The following CRTAC1 variants were observed in gnomAD, a reference collection of about 807,000 sequenced individuals.
CRTAC1 encodes the protein cartilage acidic protein 1.
Under a neutral mutation model 67.8 loss-of-function variants are expected in CRTAC1, and 37 were observed. The observed-to-expected ratio is 0.55, with a 90% CI of 0.42 to 0.72. CRTAC1 has a LOEUF of 0.72. Ranked by LOEUF, CRTAC1 falls within the 30% of genes least tolerant of loss-of-function variation. CRTAC1 has a pLI of 0.00. For missense variants in CRTAC1, 780 were observed against 931.6 expected (o/e 0.84, Z 2.12); for synonymous variants, 348 against 371.0 (o/e 0.94, Z 0.71).
chr10:97,938,220 T>G (rs997246665), intron 2 of CRTAC1, among the ~76,000 whole-genome samples: 2 of 152,130 alleles, frequency 1.3e-5, no homozygotes, highest in African/African-American at 4.8e-5. Flanking sequence ...GAGACGTGTC[T>G]AGGCAGGAGA....
intron 2 of CRTAC1, among the ~76,000 whole-genome samples, chr10:97,937,045 T>C: frequency 6.6e-6 from 1 of 152,184 alleles, no homozygotes; most frequent in East Asian, 1.9e-4. Context: ...AGTTTGCATC[T>C]CAGATGGGAG....
In CRTAC1 at chr10:97,979,743, C is replaced by T. The variant is rs116656624; in HGVS notation, c.224+31395G>A. Among the ~76,000 whole-genome samples, 1,162 of 152,274 alleles carry T rather than the reference C, an allele frequency of 7.6e-3. 19 individuals carry two copies. The highest frequency in any genetic ancestry group is 0.025 in the African/African-American group (1,051 of 41,554). On this transcript the variant is annotated intron_variant, in intron 2 of 14. Coordinates refer to ENST00000370597, the MANE Select transcript of CRTAC1 (RefSeq NM_018058.7). Reference sequence around the variant, plus strand: ...CTGAACCTTGGGTCCCACCCCAGTCCGATTAAATCCAAATGTCTCTGGGGT... The same window carrying T: ...CTGAACCTTGGGTCCCACCCCAGTCTGATTAAATCCAAATGTCTCTGGGGT...
chr10:97,868,889 C>A (rs1342808316), intron 14 of CRTAC1: 1 of 151,578 alleles, frequency 6.6e-6, no homozygotes, highest in African/African-American at 2.4e-5. Flanking sequence ...TTTAGCACTT[C>A]CTATGTGCCA....
intron 1 of CRTAC1, among the ~76,000 whole-genome samples, chr10:98,015,340 C>A (rs1461547101): frequency 6.6e-6 from 1 of 151,908 alleles, no homozygotes; most frequent in Non-Finnish European, 1.5e-5. Context: ...TTGCCAGGGG[C>A]TGGGTATAGG....
chr10:97,873,908 T>A (rs2050118806), intron 14 of CRTAC1, among the ~76,000 whole-genome samples: 1 of 152,208 alleles, frequency 6.6e-6, no homozygotes, highest in Non-Finnish European at 1.5e-5. Flanking sequence ...GATCTGTATT[T>A]AATCCCAGCT....
chr10:98,021,467 A>T (rs536160080), intron 1 of CRTAC1, among the ~76,000 whole-genome samples: 1 of 152,278 alleles, frequency 6.6e-6, no homozygotes, highest in African/African-American at 2.4e-5. Context: ...AAGTGAGAGG[A>T]CAAATGGAAT....
intron 2 of CRTAC1, among the ~76,000 whole-genome samples, chr10:97,969,502 G>T (rs914419548): frequency 6.6e-6 from 1 of 152,148 alleles, no homozygotes; most frequent in African/African-American, 2.4e-5. Context: ...TCAAAGGGCT[G>T]CCAATGTGCT....
chr10:97,909,701 G>GTA (rs1297127707), intron 5 of CRTAC1, among the ~76,000 whole-genome samples: 1 of 152,044 alleles, frequency 6.6e-6, no homozygotes. Flanking sequence ...CCACTACTAG[G>GTA]TATATATATC....
At chr10:97,887,690 C>A (rs1173890986) in intron 11 of CRTAC1, among the ~76,000 whole-genome samples, 1 of 152,244 alleles carries the variant, frequency 6.6e-6, no homozygotes, top group Non-Finnish European at 1.5e-5. Context: ...CTTGGGCATC[C>A]TCTCTGGGCC....
In CRTAC1 at chr10:97,895,256, T is replaced by C. The variant is rs2050439921; in HGVS notation, c.1475A>G (p.His492Arg). Reference sequence around the variant, plus strand: ...GGACCCCGACTCACCCAGGCCAAAGTGTGCCACGGGCTCCATCTCACACAG... The same window carrying C: ...GGACCCCGACTCACCCAGGCCAAAGCGTGCCACGGGCTCCATCTCACACAG... ...GYLCEMEPVA[H>R]FGLGKDEASS... The change falls in exon 11 of 15, where the codon CAC becomes CGC. Residue 492 changes from histidine (H) to arginine (R), a missense_variant. Coordinates refer to ENST00000370597, the MANE Select transcript of CRTAC1 (RefSeq NM_018058.7). The surrounding 1 kb of genome is among the most constrained non-coding windows in gnomAD (Gnocchi z 4.2). 1 of 1,611,280 alleles carries C rather than the reference T, an allele frequency of 6.2e-7. No individual in the cohort carries two copies. Among genetic ancestry groups the C allele is most frequent in the Non-Finnish European group, 8.5e-7 (1 of 1,179,980 alleles).
At chr10:97,949,367 G>A (rs958572615) in intron 2 of CRTAC1, among the ~76,000 whole-genome samples, 3 of 152,170 alleles carry the variant, frequency 2.0e-5, no homozygotes, top group South Asian at 4.2e-4. Flanking sequence ...GAGAGTCCTG[G>A]GCAGGGCCAG....
At chr10:97,973,847 G>A (rs994798947) in intron 2 of CRTAC1, among the ~76,000 whole-genome samples, 2 of 151,698 alleles carry the variant, frequency 1.3e-5, no homozygotes, top group Non-Finnish European at 2.9e-5. Context: ...TTGAAGTCAG[G>A]GGTGTGTGGA....
At chr10:97,899,827 A>C (rs11189428) in intron 8 of CRTAC1, among the ~76,000 whole-genome samples, 8,992 of 152,210 alleles carry the variant, frequency 0.059, 307 homozygotes, top group South Asian at 0.12. Flanking sequence ...AGGCCCTGGC[A>C]CACCCTCCTT....
chr10:97,946,289 G>C (rs574015874), intron 2 of CRTAC1, among the ~76,000 whole-genome samples: 7 of 152,322 alleles, frequency 4.6e-5, no homozygotes, highest in African/African-American at 9.6e-5. Flanking sequence ...AGTGCAGCTA[G>C]GCTTCTGGAT....
chr10:98,030,322 G>A lies in CRTAC1; in HGVS notation c.24+127C>T. 1 of 564,956 alleles carries A rather than the reference G, an allele frequency of 1.8e-6. No homozygotes were observed. The highest frequency in any genetic ancestry group is 2.7e-6 in the Non-Finnish European group (1 of 368,768). The allele number at this position is 564,956 out of a possible 1,614,324, so 35.0% of individuals were successfully genotyped here. ...AGTTAGGAGCGAAGCCGCCGCCTTC[G>A]CGATCCCAGTCTTCCCGGGTTCCCG... On this transcript the variant is annotated intron_variant, in intron 1 of 14. Coordinates refer to ENST00000370597, the MANE Select transcript of CRTAC1 (RefSeq NM_018058.7). The surrounding 1 kb of genome is among the most constrained non-coding windows in gnomAD (Gnocchi z 4.2).
intron 1 of CRTAC1, among the ~76,000 whole-genome samples, chr10:98,023,501 C>G (rs150306203): frequency 6.6e-6 from 1 of 152,334 alleles, no homozygotes; most frequent in Non-Finnish European, 1.5e-5. Flanking sequence ...CTCCCTCATA[C>G]TGTTTACAAG....
At chr10:97,950,184 G>A (rs998144841) in intron 2 of CRTAC1, among the ~76,000 whole-genome samples, 5 of 151,184 alleles carry the variant, frequency 3.3e-5, no homozygotes, top group South Asian at 2.1e-4. Flanking sequence ...AAGGTCAAAC[G>A]AGATAATATA....
intron 1 of CRTAC1, among the ~76,000 whole-genome samples, chr10:98,025,192 T>C (rs1220247024): frequency 1.3e-5 from 2 of 152,230 alleles, no homozygotes; most frequent in East Asian, 3.9e-4. Flanking sequence ...GTGCTGTGAT[T>C]CTGTGCTGCA....
At chr10:97,974,433 A>G (rs2051765664) in intron 2 of CRTAC1, among the ~76,000 whole-genome samples, 1 of 152,236 alleles carries the variant, frequency 6.6e-6, no homozygotes, top group African/African-American at 2.4e-5. Context: ...CCTGCTTACA[A>G]GTTAGGAAAA....
Sources: gnomAD v4.1 joint callset for allele counts (sites outside exome capture counted in the v4.1 genomes callset) on GRCh38, gnomAD v4.1.1 for gene constraint, Gnocchi (gnomAD v3.1) non-coding constraint, MANE v1.5 for transcripts, NCBI Gene and HGNC (gene_info 2026-07-23, HGNC 2026-07-21) for gene names.